The following JADE3 variants were observed in gnomAD, a reference collection of about 807,000 sequenced individuals.
JADE3 encodes protein Jade-3.
Under a neutral mutation model 50.1 loss-of-function variants are expected in JADE3, and 2 were observed. The ratio of observed to expected loss-of-function variants is 0.04; its 90% CI spans 0.02 to 0.13. The LOEUF is 0.13. Ranked by LOEUF, JADE3 falls within the 10% of genes least tolerant of loss-of-function variation. The probability of loss-of-function intolerance (pLI) is 1.00; values close to 1 mark genes in which losing one functional copy is unlikely to be tolerated. For missense variants in JADE3, 475 were observed against 634.4 expected, an observed-to-expected ratio of 0.75 and a Z score of 2.70; for synonymous variants, 218 against 232.9, an observed-to-expected ratio of 0.94 and a Z score of 0.58.
chrX:47,005,262 T>A (rs921207617), intron 4 of JADE3, among the ~76,000 whole-genome samples: 7 of 111,597 alleles, frequency 6.3e-5, no homozygotes, highest in Non-Finnish European at 1.3e-4. Context: ...ATTATTTTTT[T>A]GAGACTGAAT....
intron 4 of JADE3, among the ~76,000 whole-genome samples, chrX:47,010,455 C>T (rs963169148): frequency 7.2e-5 from 8 of 111,480 alleles, no homozygotes; most frequent in African/African-American, 2.6e-4. Flanking sequence ...CTCGAACTCC[C>T]GACCTCAGGT....
chrX:46,979,469 C>A lies in JADE3; in HGVS notation c.-11-5415C>A, dbSNP rs376115703. ...TCACTGAGATTTTTAGAGAATAAAA[C>A]TGTTTTTTCTATGACATTTGTTGCC... is the stretch of plus-strand genomic sequence containing the variant. On this transcript the variant is annotated intron_variant, in intron 1 of 10. Coordinates refer to ENST00000614628, the MANE Select transcript of JADE3 (RefSeq NM_014735.5). 5.3e-3 allele frequency among the ~76,000 whole-genome samples: 587 copies of A among 111,548 alleles called. 2 individuals carry two copies. Among genetic ancestry groups the A allele is most frequent in the South Asian group, 0.023 (62 of 2,665 alleles).
chrX:47,004,499 C>T (rs1356684419), intron 4 of JADE3, among the ~76,000 whole-genome samples: 4 of 112,036 alleles, frequency 3.6e-5, no homozygotes, highest in East Asian at 2.8e-4. Context: ...GGCACAATCA[C>T]GGCTCACTGC....
At position 47,033,682 on chromosome X, in the gene JADE3, G is replaced by A; in HGVS notation, c.749G>A (p.Gly250Asp). 3 of 1,207,341 alleles carry A rather than the reference G, an allele frequency of 2.5e-6. No homozygotes were observed. The highest frequency in any genetic ancestry group is 3.4e-6 in the Non-Finnish European group (3 of 893,291). ...TGGCTGTGTCGCTCCTGTGTCCTGGGCATTTATCCGCAATGTGTGTTATGT... is the reference window on the plus strand; with the variant it reads ...TGGCTGTGTCGCTCCTGTGTCCTGGACATTTATCCGCAATGTGTGTTATGT... The part of the protein sequence containing the change: ...GSWLCRSCVL[G>D]IYPQCVLCPK... Residue 250 changes from glycine to aspartate, a missense_variant, in exon 7 of 11, where the codon GGC becomes GAC. Around this residue, in one of 6 missense-constraint regions of JADE3, gnomAD observed 54 missense variants for 156.2 expected, o/e 0.35. Coordinates refer to ENST00000614628, the MANE Select transcript of JADE3 (RefSeq NM_014735.5).
chrX:47,044,428 A>G (rs1356796585), intron 8 of JADE3, among the ~76,000 whole-genome samples: 2 of 111,877 alleles, frequency 1.8e-5, no homozygotes, highest in African/African-American at 6.5e-5. Flanking sequence ...TAGTATATCC[A>G]GTGAAAATAT....
chrX:46,979,418 G>C (rs1416713288), intron 1 of JADE3, among the ~76,000 whole-genome samples: 2 of 111,825 alleles, frequency 1.8e-5, no homozygotes, highest in Non-Finnish European at 3.8e-5. Flanking sequence ...GGTGAGGAGA[G>C]AGGGTCCATG....
In JADE3 at chrX:46,912,676, C is replaced by T. The variant is rs1348178664; in HGVS notation, c.-55C>T. 9.0e-6 allele frequency: 1 copy of T among 111,384 alleles called. No homozygotes were observed. Among genetic ancestry groups the T allele is most frequent in the Non-Finnish European group, 1.9e-5 (1 of 52,567 alleles). 9.2% of individuals were successfully genotyped at this position (111,384 alleles called of 1,213,427 possible). Reference sequence around the variant, plus strand: ...GGACTCACCCGGCACATTGCCGGGCCGCGGCGTGGAGCCGGGCAGGAGCCG... The same window carrying T: ...GGACTCACCCGGCACATTGCCGGGCTGCGGCGTGGAGCCGGGCAGGAGCCG... On this transcript the variant is annotated 5_prime_UTR_variant, in exon 1 of 11. Coordinates refer to ENST00000614628, the MANE Select transcript of JADE3 (RefSeq NM_014735.5).
intron 1 of JADE3, among the ~76,000 whole-genome samples, chrX:46,913,366 T>C: frequency 9.0e-6 from 1 of 110,750 alleles, no homozygotes; most frequent in Admixed American, 9.4e-5. Context: ...GAACTTTCCC[T>C]CCCACTGGCG....
intron 6 of JADE3, 143 bp from the exon 7 acceptor site, chrX:47,033,478 A>C: frequency 2.3e-6 from 1 of 429,730 alleles, no homozygotes; most frequent in South Asian, 7.8e-5. Context: ...TTTTTAAATC[A>C]CTCGATACTG....
At chrX:47,000,396 G>A (rs1556358736) in intron 4 of JADE3, among the ~76,000 whole-genome samples, 1 of 111,254 alleles carries the variant, frequency 9.0e-6, no homozygotes, top group Non-Finnish European at 1.9e-5. Context: ...TCGTTGGTAA[G>A]TCAGTATCAA....
chrX:47,055,588 T>A (rs892890653), intron 9 of JADE3, among the ~76,000 whole-genome samples: 1 of 111,751 alleles, frequency 8.9e-6, no homozygotes, highest in Non-Finnish European at 1.9e-5. Context: ...GTAGGGAGTA[T>A]GAGAGAGAGA....
Position 47,058,713 on chromosome X carries a change from G to C in JADE3, c.2108G>C (p.Ser703Thr). ...AGCCCCCACTTGGTCAGTCAGGGCA[G>C]CTTTAGAAAATCCACTGTAGAACAC... ...VFSPHLVSQG[S>T]FRKSTVEHFS... Residue 703 changes from serine to threonine, a missense_variant, in exon 11 of 11, where the codon AGC (serine) becomes ACC (threonine). This residue lies in a region of JADE3 where 243 missense variants were observed against 238.2 expected (regional missense o/e 1.02). Coordinates refer to ENST00000614628, the MANE Select transcript of JADE3 (RefSeq NM_014735.5). 1 of 1,211,348 alleles carries C rather than the reference G, an allele frequency of 8.3e-7. No individual in the cohort carries two copies. Among genetic ancestry groups the C allele is most frequent in the Non-Finnish European group, 1.1e-6 (1 of 895,256 alleles).
intron 1 of JADE3, among the ~76,000 whole-genome samples, chrX:46,954,943 T>C (rs2147117772): frequency 8.9e-6 from 1 of 112,741 alleles, no homozygotes; most frequent in South Asian, 3.6e-4. Flanking sequence ...GCTGCTCAAC[T>C]TATAACCTTC....
chrX:46,963,240 T>C (rs782563786), intron 1 of JADE3, among the ~76,000 whole-genome samples: 2 of 111,984 alleles, frequency 1.8e-5, no homozygotes. Flanking sequence ...GATTAGAAAC[T>C]TCCAGATAGA....
intron 4 of JADE3, among the ~76,000 whole-genome samples, chrX:47,018,210 C>G (rs1482144022): frequency 1.8e-5 from 2 of 111,473 alleles, no homozygotes; most frequent in Non-Finnish European, 3.8e-5. Flanking sequence ...TCTCCTCACC[C>G]CATCTCCTTC....
In JADE3 at chrX:46,944,235, T is replaced by C. The variant is rs184091003; in HGVS notation, c.-12+31516T>C. On this transcript the variant is annotated intron_variant, in intron 1 of 10. Transcript: ENST00000614628. ...GATTTTAGTTATTTTCTTCTGCTAG[T>C]TTTTGGGGTTCTTGTTTTTCTAGTT... Among the ~76,000 whole-genome samples, 565 of 110,139 alleles carry C rather than the reference T, an allele frequency of 5.1e-3. 2 individuals are homozygous for C. The highest frequency in any genetic ancestry group is 0.025 in the South Asian group (63 of 2,476).
At position 46,941,164 on chromosome X, in the gene JADE3, A is replaced by G. The variant is rs782470426; in HGVS notation, c.-12+28445A>G. ...GTTTAGCTCCTGCTTATAGACGACA[A>G]CATGCGGTATTTGGTTTTCTGTATT... On this transcript the variant is annotated intron_variant, in intron 1 of 10. Coordinates refer to ENST00000614628, the MANE Select transcript of JADE3 (RefSeq NM_014735.5). Among the ~76,000 whole-genome samples, 4 of 110,465 alleles carry G rather than the reference A, an allele frequency of 3.6e-5. No individual in the cohort carries two copies. In the South Asian group the frequency reaches 1.6e-3, roughly 43 times the overall value.
At chrX:47,010,987 A>C (rs2067280812) in intron 4 of JADE3, among the ~76,000 whole-genome samples, 1 of 111,267 alleles carries the variant, frequency 9.0e-6, no homozygotes, top group Non-Finnish European at 1.9e-5. Flanking sequence ...GTACGTGCAC[A>C]GTTTGTGGGG....
At chrX:46,949,436 A>G (rs957602466) in intron 1 of JADE3, among the ~76,000 whole-genome samples, 1 of 112,088 alleles carries the variant, frequency 8.9e-6, no homozygotes, top group East Asian at 2.8e-4. Flanking sequence ...ATTGTAAAAC[A>G]GCTTTCCGAA....
Sources: allele counts gnomAD v4.1 joint callset (sites outside exome capture counted in the v4.1 genomes callset), GRCh38; gene constraint gnomAD v4.1.1; regional missense constraint gnomAD v4.1.1; transcripts MANE v1.5; gene names NCBI Gene and HGNC (gene_info 2026-07-23, HGNC 2026-07-21).